FUBP1: variants seen among roughly 807,000 people sequenced by gnomAD.
FUBP1 encodes the protein far upstream element-binding protein 1.
In FUBP1, 16 loss-of-function variants were observed where a neutral mutation model predicts 94.9. The observed-to-expected ratio is 0.17, with a 90% CI of 0.11 to 0.26. FUBP1 has a LOEUF of 0.26. Ranked by LOEUF, FUBP1 falls within the 10% of genes least tolerant of loss-of-function variation. The pLI, the probability that FUBP1 is intolerant of heterozygous loss-of-function variation, is 1.00. For synonymous variants in FUBP1, 279 were observed against 254.9 expected, an observed-to-expected ratio of 1.09 and a Z score of -0.90; for missense variants, 583 against 808.6, an observed-to-expected ratio of 0.72 and a Z score of 3.38.
At position 77,960,403 on chromosome 1, in the gene FUBP1, A is replaced by C; in HGVS notation, c.1437T>G (p.Thr479=). The C allele has an allele frequency of 5.6e-6, 9 of 1,595,322 alleles. 1 individual carries two copies. Among genetic ancestry groups the C allele is most frequent in the Non-Finnish European group, 7.7e-6 (9 of 1,175,758 alleles). Residue 479 remains threonine, a synonymous_variant, in exon 15 of 20, where the codon ACT becomes ACG. Coordinates refer to ENST00000370768, the MANE Select transcript of FUBP1 (RefSeq NM_003902.5). ...GTGCAGGGTTGTATGGTCCCATTGG[A>C]GTTCCAGGCCCTGGAGGCCCAGGAG... ...HGPPGPPGPG[T]PMGPYNPAPY...
intron 12 of FUBP1, 37 bp from the exon 13 acceptor site, chr1:77,963,752 C>A: frequency 1.9e-6 from 3 of 1,538,580 alleles, no homozygotes; most frequent in Non-Finnish European, 2.6e-6. Flanking sequence ...AGAGTCAGCA[C>A]AGAAATACTT....
chr1:77,966,437 AGGCTACACGT>A (rs1656514256), intron 7 of FUBP1, among the ~76,000 whole-genome samples: 1 of 152,224 alleles, frequency 6.6e-6, no homozygotes, highest in South Asian at 2.1e-4. Context: ...ATTCTTCTCC[AGGCTACACGT>A]GGCTTTACAA....
chr1:77,953,364 G>T (rs928792618), intron 18 of FUBP1, among the ~76,000 whole-genome samples: 2 of 152,088 alleles, frequency 1.3e-5, no homozygotes, highest in African/African-American at 4.8e-5. Context: ...GGTAGCAGGC[G>T]CCTGTAATCC....
At position 77,947,167 on chromosome 1, in the gene FUBP1, A is replaced by G. The variant is rs570195800; in HGVS notation, c.*1599T>C. 9.6e-5 allele frequency: 20 copies of G among 209,384 alleles called. No homozygotes were observed. The highest frequency in any genetic ancestry group is 6.8e-4 in the Admixed American group (12 of 17,616). The allele number at this position is 209,384 out of a possible 1,614,324, so 13.0% of individuals were successfully genotyped here. A position where few individuals can be genotyped will look rare whatever the true frequency, so the allele number is the denominator to read the frequency against. On this transcript the variant is annotated 3_prime_UTR_variant, in exon 20 of 20. Coordinates refer to ENST00000370768, the MANE Select transcript of FUBP1 (RefSeq NM_003902.5). ...TATGCATATTTTACACTGAAAAACA[A>G]TATTTTAGGAGCACCAGTGAATAAT...
upstream of FUBP1, chr1:77,979,091 G>C: frequency 8.3e-7 from 1 of 1,212,086 alleles, no homozygotes; most frequent in Non-Finnish European, 1.1e-6. Context: ...GGCCGTCGAA[G>C]CTCTATTACA....
In FUBP1 at chr1:77,949,268, G is replaced by A; in HGVS notation, c.1813C>T (p.Pro605Ser). 6.2e-7 allele frequency: 1 copy of A among 1,613,744 alleles called. No individual in the cohort carries two copies. The highest frequency in any genetic ancestry group is 1.1e-5 in the South Asian group (1 of 91,076). ...GCACTATAATCTGGCTGACCACCTGGAGGAGCCCCAGTCGGAGCAGGAACT... is the reference window on the plus strand; with the variant it reads ...GCACTATAATCTGGCTGACCACCTGAAGGAGCCCCAGTCGGAGCAGGAACT... ...QAVPAPTGAP[P>S]GGQPDYSAAW... Residue 605 changes from proline to serine, a missense_variant, in exon 19 of 20, where the codon CCA (proline) becomes TCA (serine). Pro to Ser is a moderately conservative substitution (Grantham distance 74). Transcript: ENST00000370768.
intron 1 of FUBP1, among the ~76,000 whole-genome samples, chr1:77,972,477 G>C (rs1446278179): frequency 6.6e-6 from 1 of 151,618 alleles, no homozygotes; most frequent in African/African-American, 2.4e-5. Context: ...AGGCGTGGTG[G>C]CTCATGCCTG....
chr1:77,964,979 C>G lies in FUBP1; in HGVS notation c.637-11G>C. On this transcript the variant is annotated splice_polypyrimidine_tract_variant and intron_variant, in intron 8 of 19. Transcript: ENST00000370768. ...AACTCCAGCCCGTTCCTGTTACAAT[C>G]ATAGAAATAATATATATTAACAAAA... is the stretch of plus-strand genomic sequence containing the variant. 1.2e-6 allele frequency: 2 copies of G among 1,604,306 alleles called. No homozygotes were observed. Among genetic ancestry groups the G allele is most frequent in the Non-Finnish European group, 1.7e-6 (2 of 1,171,322 alleles).
chr1:77,973,500 C>T (rs1261771199), intron 1 of FUBP1, among the ~76,000 whole-genome samples: 1 of 152,248 alleles, frequency 6.6e-6, no homozygotes, highest in Non-Finnish European at 1.5e-5. Context: ...CCCGCCTCAG[C>T]CTCCCAAAGT....
In FUBP1 at chr1:77,955,366, A is replaced by G. The variant is rs36071273; in HGVS notation, c.1706-37T>C. 4.3e-4 allele frequency: 563 copies of G among 1,324,592 alleles called. 8 individuals carry two copies. In the East Asian group the frequency reaches 8.7e-3, roughly 21 times the overall value. 82.1% of individuals were successfully genotyped at this position (1,324,592 alleles called of 1,614,324 possible). A position where few individuals can be genotyped will look rare whatever the true frequency, so the allele number is the denominator to read the frequency against. ...AAAACAAAACAAAAAACAGAATTAA[A>G]GTTTTTAAAAGGCAATTTTGGCCGT... is the stretch of plus-strand genomic sequence containing the variant. On this transcript the variant is annotated intron_variant, in intron 17 of 19. Coordinates refer to ENST00000370768, the MANE Select transcript of FUBP1 (RefSeq NM_003902.5).
intron 18 of FUBP1, among the ~76,000 whole-genome samples, chr1:77,954,983 A>AAT (rs1236944476): frequency 1.3e-5 from 2 of 152,192 alleles, no homozygotes; most frequent in Non-Finnish European, 2.9e-5. Flanking sequence ...TTAGACTGAT[A>AAT]ATATATATAA....
At position 77,948,643 on chromosome 1, in the gene FUBP1, A is replaced by AG; in HGVS notation, c.*122dup. On this transcript the variant is annotated 3_prime_UTR_variant, in exon 20 of 20. Transcript: ENST00000370768. ...ACATTTTCAAAAAAAAAAAAAAAAA[A>AG]GGAAACACTATTTTAAACCAAAAAC... The AG allele has an allele frequency of 7.3e-7, 1 of 1,360,548 alleles. No homozygotes were observed. Among genetic ancestry groups the AG allele is most frequent in the Non-Finnish European group, 9.7e-7 (1 of 1,026,844 alleles). 84.3% of individuals were successfully genotyped at this position (1,360,548 alleles called of 1,614,324 possible).
intron 1 of FUBP1, among the ~76,000 whole-genome samples, chr1:77,971,982 G>C (rs905766804): frequency 2.0e-5 from 3 of 146,622 alleles, no homozygotes; most frequent in Admixed American, 1.4e-4. Context: ...TCCAGCCTGG[G>C]CAACGGCATG....
At chr1:77,949,028 TC>T in intron 19 of FUBP1, 126 bp downstream of exon 19, 1 of 986,972 alleles carries the variant, frequency 1.0e-6, no homozygotes, top group Non-Finnish European at 1.6e-6. Context: ...CCGTAGTACT[TC>T]ATTTAAATAG....
chr1:77,951,397 A>T (rs1029194842), intron 18 of FUBP1, among the ~76,000 whole-genome samples: 2 of 152,254 alleles, frequency 1.3e-5, no homozygotes, highest in African/African-American at 4.8e-5. Flanking sequence ...CAATCTTAAA[A>T]GATGTTCAAG....
chr1:77,952,247 A>T (rs866298522), intron 18 of FUBP1, among the ~76,000 whole-genome samples: 4 of 151,974 alleles, frequency 2.6e-5, no homozygotes, highest in Non-Finnish European at 2.9e-5. Flanking sequence ...TCAAAAAAAT[A>T]AAATAAAAAA....
Position 77,955,266 on chromosome 1 carries a change from T to C in FUBP1, c.1769A>G (p.Tyr590Cys), listed in dbSNP as rs1284706014. Residue 590 changes from tyrosine (Y) to cysteine (C), a missense_variant, in exon 18 of 20, where the codon TAC becomes TGC. Transcript: ENST00000370768. Reference protein sequence around the residue: ...VDYTKAWEEYYKKMGQAVPAP... With the variant: ...VDYTKAWEEYCKKMGQAVPAP... ...TGTATAAAACATACCCATTTTCTTG[T>C]AGTACTCTTCCCAAGCCTTGGTATA... The C allele has an allele frequency of 1.4e-6, 2 of 1,409,720 alleles. No homozygotes were observed. Among genetic ancestry groups the C allele is most frequent in the African/African-American group, 1.4e-5 (1 of 71,146 alleles). 87.3% of individuals were successfully genotyped at this position (1,409,720 alleles called of 1,614,324 possible).
intron 7 of FUBP1, among the ~76,000 whole-genome samples, chr1:77,966,218 T>G (rs1218285025): frequency 6.6e-6 from 1 of 152,162 alleles, no homozygotes; most frequent in African/African-American, 2.4e-5. Flanking sequence ...GAAAAGCTTC[T>G]TATCATTTGC....
At position 77,944,904 on chromosome 1, in the gene FUBP1, A is replaced by T. The variant is rs1292247326; in HGVS notation, c.*3862T>A. 6.6e-6 allele frequency among the ~76,000 whole-genome samples: 1 copy of T among 151,828 alleles called. No homozygotes were observed. The highest frequency in any genetic ancestry group is 1.9e-4 in the East Asian group (1 of 5,198). ...TTCTAAAAGAAACATCAAACCATAG[A>T]ATTCTAAGTATCACCACACTAAGCT... is the stretch of plus-strand genomic sequence containing the variant. On this transcript the variant is annotated 3_prime_UTR_variant, in exon 20 of 20. Coordinates refer to ENST00000370768, the MANE Select transcript of FUBP1 (RefSeq NM_003902.5).
Sources: allele counts gnomAD v4.1 joint callset (sites outside exome capture counted in the v4.1 genomes callset), GRCh38; gene constraint gnomAD v4.1.1; transcripts MANE v1.5; gene names NCBI Gene and HGNC (gene_info 2026-07-23, HGNC 2026-07-21).